The following GSE1 variants were observed in gnomAD, a reference collection of about 807,000 sequenced individuals.
GSE1 encodes Gse1 coiled-coil protein.
A neutral mutation model predicts 112.6 loss-of-function variants in GSE1; 32 were observed. The observed-to-expected ratio is 0.28, with a 90% confidence interval of 0.21 to 0.38. The LOEUF is 0.38. Among genes scored for constraint, GSE1 ranks in the 10% least tolerant of loss-of-function variants. The probability of loss-of-function intolerance (pLI) is 1.00; values close to 1 mark genes in which losing one functional copy is unlikely to be tolerated. For missense variants in GSE1, 2,348 were observed against 1,699.2 expected, an observed-to-expected ratio of 1.38 and a Z score of -6.71; for synonymous variants, 1,115 against 735.6, an observed-to-expected ratio of 1.52 and a Z score of -8.35.
At chr16:85,572,661 C>T (rs2046058443) in intron 1 of GSE1, among the ~76,000 whole-genome samples, 1 of 152,210 alleles carries the variant, frequency 6.6e-6, no homozygotes, top group South Asian at 2.1e-4. Flanking sequence ...TAGAACCCAG[C>T]AGGGGCTGCT....
intron 1 of GSE1, among the ~76,000 whole-genome samples, chr16:85,246,331 AC>A (rs1176779753): frequency 6.4e-5 from 5 of 78,682 alleles, no homozygotes; most frequent in South Asian, 4.5e-4. Context: ...ACACACACAC[AC>A]CCCCCACACG....
chr16:85,617,395 G>A (rs1435259696), intron 1 of GSE1, among the ~76,000 whole-genome samples: 1 of 152,226 alleles, frequency 6.6e-6, no homozygotes, highest in Non-Finnish European at 1.5e-5. Context: ...CTGCACTTGA[G>A]GCTTTTGTGG....
chr16:85,352,351 G>A (rs570671928), intron 1 of GSE1, among the ~76,000 whole-genome samples: 6 of 152,172 alleles, frequency 3.9e-5, no homozygotes, highest in Non-Finnish European at 7.3e-5. Flanking sequence ...AGCTTTAAAG[G>A]TGGTGGCTGC....
chr16:85,556,760 C>G (rs989951062), intron 1 of GSE1, among the ~76,000 whole-genome samples: 8 of 145,810 alleles, frequency 5.5e-5, no homozygotes, highest in South Asian at 2.3e-4. Flanking sequence ...CCCCCCCCCC[C>G]CCCAGTCCTG....
chr16:85,355,509 C>A (rs918257329), intron 1 of GSE1, among the ~76,000 whole-genome samples: 1 of 152,150 alleles, frequency 6.6e-6, no homozygotes, highest in Admixed American at 6.5e-5. Context: ...AACAGCAGCC[C>A]GTCACCAAGA....
At chr16:85,418,280 A>T (rs2048749380) in intron 2 of GSE1, among the ~76,000 whole-genome samples, 1 of 152,184 alleles carries the variant, frequency 6.6e-6, no homozygotes, top group African/African-American at 2.4e-5. Context: ...GTAACATGCA[A>T]AGTCACAGAG....
chr16:85,227,993 G>A (rs878943120), intron 1 of GSE1, among the ~76,000 whole-genome samples: 1 of 152,204 alleles, frequency 6.6e-6, no homozygotes, highest in Admixed American at 6.5e-5. Context: ...GGGGTGTGGT[G>A]GGGAGCAGGG....
At chr16:85,672,201 GC>G in intron 15 of GSE1, 1 of 577,948 alleles carries the variant, frequency 1.7e-6, no homozygotes, top group South Asian at 1.7e-5. Flanking sequence ...CCCCATGTTG[GC>G]CAGGCTGGTC....
intron 1 of GSE1, among the ~76,000 whole-genome samples, chr16:85,216,164 C>T (rs2075304017): frequency 6.6e-6 from 1 of 152,236 alleles, no homozygotes; most frequent in Non-Finnish European, 1.5e-5. Flanking sequence ...TCATTCCGAC[C>T]CCTTAAAGGG....
chr16:85,270,446 T>A (rs1331956292), intron 1 of GSE1, among the ~76,000 whole-genome samples: 1 of 149,072 alleles, frequency 6.7e-6, no homozygotes, highest in African/African-American at 2.4e-5. Context: ...ACACAGCCCC[T>A]GTAGACATTC....
chr16:85,525,390 C>T (rs534089992), intron 2 of GSE1, among the ~76,000 whole-genome samples: 6 of 152,314 alleles, frequency 3.9e-5, no homozygotes, highest in East Asian at 1.9e-4. Flanking sequence ...CAGCTGTCGG[C>T]GTGGCTGTCA....
chr16:85,578,118 G>C (rs1424894018), intron 1 of GSE1, among the ~76,000 whole-genome samples: 2 of 152,208 alleles, frequency 1.3e-5, no homozygotes, highest in African/African-American at 4.8e-5. Context: ...CTCCACTCTG[G>C]CTGGCACCCA....
At chr16:85,588,225 G>A (rs1321218177) in intron 1 of GSE1, among the ~76,000 whole-genome samples, 9 of 152,194 alleles carry the variant, frequency 5.9e-5, no homozygotes, top group African/African-American at 2.2e-4. Context: ...CCCACTGCTG[G>A]CTGCCACCAG....
In GSE1 at chr16:85,648,650, A is replaced by G. The variant is rs2051081303; in HGVS notation, c.325A>G (p.Ile109Val). ...CAAGCGCGTGCCCATGGGCCCTATC[A>G]TCGTCCCCCCTGGGGGCCACAGCGT... ...TPKRVPMGPI[I>V]VPPGGHSVPS... Residue 109 changes from isoleucine to valine, a missense_variant, in exon 3 of 16, where the codon ATC becomes GTC. Physicochemically the swap from Ile to Val is conservative, Grantham distance 29. Coordinates refer to ENST00000253458, the MANE Select transcript of GSE1 (RefSeq NM_014615.5). The G allele has an allele frequency of 6.2e-7, 1 of 1,601,298 alleles. No homozygotes were observed. Among genetic ancestry groups the G allele is most frequent in the Non-Finnish European group, 8.5e-7 (1 of 1,171,190 alleles).
At chr16:85,224,189 C>G (rs1407462867) in intron 1 of GSE1, among the ~76,000 whole-genome samples, 1 of 149,268 alleles carries the variant, frequency 6.7e-6, no homozygotes, top group East Asian at 2.0e-4. Flanking sequence ...GAGAAAGGAG[C>G]ACAGGACCTC....
intron 2 of GSE1, among the ~76,000 whole-genome samples, chr16:85,549,178 C>CT (rs113990659): frequency 0.079 from 11,468 of 145,184 alleles, 481 homozygotes; most frequent in South Asian, 0.13. Context: ...TTTTTCTCTT[C>CT]TTTTTTTTTT....
In GSE1 at chr16:85,638,151, A is replaced by G. The variant is rs978935207; in HGVS notation, c.226+4019A>G. On this transcript the variant is annotated intron_variant, in intron 2 of 15. Transcript: ENST00000253458. Reference sequence around the variant, plus strand: ...AGTGCCTCTCGGTTTTCGCCATCTGACTGCGATTGCCTCCGCGTCTCTCCT... The same window carrying G: ...AGTGCCTCTCGGTTTTCGCCATCTGGCTGCGATTGCCTCCGCGTCTCTCCT... 3.6e-4 allele frequency among the ~76,000 whole-genome samples: 55 copies of G among 152,240 alleles called. 1 individual carries two copies. The highest frequency in any genetic ancestry group is 3.2e-3 in the Admixed American group (49 of 15,298).
chr16:85,264,823 G>C (rs1341642178), intron 1 of GSE1, among the ~76,000 whole-genome samples: 2 of 152,160 alleles, frequency 1.3e-5, no homozygotes, highest in Non-Finnish European at 2.9e-5. Context: ...ACCAGGACCG[G>C]GAGGGGTGAG....
intron 1 of GSE1, among the ~76,000 whole-genome samples, chr16:85,193,117 C>T (rs900864952): frequency 1.2e-4 from 19 of 152,096 alleles, no homozygotes; most frequent in Admixed American, 3.9e-4. Flanking sequence ...GACTTCAAAA[C>T]GGGTTTCCTT....
Sources: allele counts gnomAD v4.1 joint callset (sites outside exome capture counted in the v4.1 genomes callset), GRCh38; gene constraint gnomAD v4.1.1; transcripts MANE v1.5; gene names NCBI Gene and HGNC (gene_info 2026-07-23, HGNC 2026-07-21).